Variants in SHISA9 observed in about 807,000 individuals in gnomAD.
SHISA9 encodes protein shisa-9.
In SHISA9, 13 loss-of-function variants were observed where a neutral mutation model predicts 38.0. That is an observed-to-expected ratio of 0.34 (90% CI 0.22 to 0.54). The LOEUF (loss-of-function observed/expected upper bound fraction) is 0.54, where lower values mean the gene tolerates loss of function less well. Among genes scored for constraint, SHISA9 ranks in the 20% least tolerant of loss-of-function variants. SHISA9 has a pLI of 0.91. For missense variants in SHISA9, 538 were observed against 575.8 expected (o/e 0.93, Z 0.67); for synonymous variants, 275 against 242.0 (o/e 1.14, Z -1.27).
the SHISA9 span, among the ~76,000 whole-genome samples, chr16:13,353,788 C>G: frequency 2.0e-5 from 3 of 152,118 alleles, no homozygotes; most frequent in Non-Finnish European, 4.4e-5. Context: ...TTTTAAAAGA[C>G]CTTTAGTCCA....
chr16:13,218,896 A>G (rs913188494), intron 4 of SHISA9, among the ~76,000 whole-genome samples: 2 of 152,204 alleles, frequency 1.3e-5, no homozygotes, highest in African/African-American at 4.8e-5. Flanking sequence ...ACCCATCGAA[A>G]GGCAGCTTTA....
the SHISA9 span, among the ~76,000 whole-genome samples, chr16:13,471,814 G>A: frequency 6.6e-6 from 1 of 152,138 alleles, no homozygotes. Flanking sequence ...AAAAGTCACT[G>A]TAATCTAAGA....
chr16:12,968,246 A>G (rs893402394), intron 2 of SHISA9, among the ~76,000 whole-genome samples: 9 of 148,866 alleles, frequency 6.0e-5, no homozygotes, highest in African/African-American at 2.2e-4. Flanking sequence ...CAGGCTACAT[A>G]TATCCCATAT....
chr16:13,449,898 C>G, the SHISA9 span, among the ~76,000 whole-genome samples: 2 of 152,080 alleles, frequency 1.3e-5, no homozygotes, highest in South Asian at 2.1e-4. Flanking sequence ...GGGTGGATCA[C>G]AAGGTCAGGA....
chr16:13,261,991 T>C, the SHISA9 span, among the ~76,000 whole-genome samples: 2 of 152,134 alleles, frequency 1.3e-5, no homozygotes, highest in African/African-American at 4.8e-5. Context: ...AGCCTTCATA[T>C]CAATAATATG....
chr16:13,321,597 A>G, the SHISA9 span, among the ~76,000 whole-genome samples: 1 of 152,206 alleles, frequency 6.6e-6, no homozygotes, highest in African/African-American at 2.4e-5. Flanking sequence ...GAACACACTG[A>G]TTGTAAAGGC....
chr16:13,075,037 G>T (rs1181246899), intron 2 of SHISA9, among the ~76,000 whole-genome samples: 1 of 152,142 alleles, frequency 6.6e-6, no homozygotes, highest in Non-Finnish European at 1.5e-5. Context: ...ACCAGTTTAT[G>T]GTAGAGATGA....
downstream of SHISA9, among the ~76,000 whole-genome samples, chr16:13,244,331 T>C (rs2051456844): frequency 6.6e-6 from 1 of 152,196 alleles, no homozygotes; most frequent in Non-Finnish European, 1.5e-5. Context: ...GGTCCACTTA[T>C]GTGTGAATTT....
intron 2 of SHISA9, among the ~76,000 whole-genome samples, chr16:12,999,733 C>T (rs560613464): frequency 6.6e-6 from 1 of 152,272 alleles, no homozygotes; most frequent in African/African-American, 2.4e-5. Flanking sequence ...ACAGGGTATG[C>T]TGACATGTAG....
At chr16:13,109,363 G>A (rs2141965119) in intron 2 of SHISA9, among the ~76,000 whole-genome samples, 1 of 152,142 alleles carries the variant, frequency 6.6e-6, no homozygotes, top group African/African-American at 2.4e-5. Flanking sequence ...GGCCCAACTT[G>A]GCTTATTACT....
intron 2 of SHISA9, among the ~76,000 whole-genome samples, chr16:12,973,241 G>A (rs1415863218): frequency 1.3e-5 from 2 of 152,212 alleles, no homozygotes; most frequent in African/African-American, 2.4e-5. Context: ...TTCACAGAAA[G>A]TTTTCCTTTT....
At chr16:12,996,595 A>G (rs914481187) in intron 2 of SHISA9, among the ~76,000 whole-genome samples, 2 of 152,150 alleles carry the variant, frequency 1.3e-5, no homozygotes, top group African/African-American at 4.8e-5. Flanking sequence ...GCAGTGTTCA[A>G]CTGTGCAACC....
At position 12,902,140 on chromosome 16, in the gene SHISA9, C is replaced by G; in HGVS notation, c.76C>G (p.Arg26Gly). The G allele has an allele frequency of 6.6e-7, 1 of 1,515,800 alleles. No homozygotes were observed. Among genetic ancestry groups the G allele is most frequent in the Non-Finnish European group, 8.8e-7 (1 of 1,139,472 alleles). The allele number at this position is 1,515,800 out of a possible 1,614,324, so 93.9% of individuals were successfully genotyped here. The change falls in exon 1 of 5, where the codon CGA becomes GGA. Residue 26 changes from arginine to glycine, a missense_variant. Coordinates refer to ENST00000558583, the MANE Select transcript of SHISA9 (RefSeq NM_001145204.3). ...LCARVCRAQE[R>G]AGHGQLAQLG... ...CGCCCGCGTGTGCCGGGCGCAGGAG[C>G]GAGCGGGACACGGGCAGCTGGCGCA...
the SHISA9 span, among the ~76,000 whole-genome samples, chr16:13,404,253 C>G: frequency 1.4e-3 from 220 of 152,256 alleles, 1 homozygote; most frequent in African/African-American, 4.2e-3. Context: ...AGCTTCTATG[C>G]TATCACAGAG....
the SHISA9 span, among the ~76,000 whole-genome samples, chr16:13,536,654 AAAG>A: frequency 1.3e-5 from 2 of 152,248 alleles, no homozygotes; most frequent in African/African-American, 2.4e-5. Flanking sequence ...GGTGTTTCAG[AAAG>A]AAGAACAAAA....
the SHISA9 span, among the ~76,000 whole-genome samples, chr16:13,500,566 AAG>A: frequency 6.6e-6 from 1 of 151,226 alleles, no homozygotes; most frequent in Non-Finnish European, 1.5e-5. Context: ...AAGTGAGAGA[AAG>A]AGAAATAGAG....
intron 2 of SHISA9, among the ~76,000 whole-genome samples, chr16:12,926,583 C>A (rs111577005): frequency 6.6e-6 from 1 of 152,082 alleles, no homozygotes; most frequent in East Asian, 1.9e-4. Context: ...AAAGTAATCA[C>A]GTAATTGCAA....
chr16:12,991,552 C>T (rs1210973533), intron 2 of SHISA9, among the ~76,000 whole-genome samples: 2 of 152,178 alleles, frequency 1.3e-5, no homozygotes, highest in Admixed American at 1.3e-4. Context: ...GAAGTTCAAG[C>T]ATGTTCTTGA....
intron 1 of SHISA9, among the ~76,000 whole-genome samples, chr16:12,914,389 C>G (rs2071227435): frequency 6.6e-6 from 1 of 152,026 alleles, no homozygotes; most frequent in Non-Finnish European, 1.5e-5. Flanking sequence ...TAAATCTTCT[C>G]CCATAGAATA....
Sources: allele counts gnomAD v4.1 joint callset (sites outside exome capture counted in the v4.1 genomes callset), GRCh38; gene constraint gnomAD v4.1.1; transcripts MANE v1.5; gene names NCBI Gene and HGNC (gene_info 2026-07-23, HGNC 2026-07-21).